GUCY1A2: variants seen among roughly 807,000 people sequenced by gnomAD.
The protein encoded by GUCY1A2 is guanylate cyclase soluble subunit alpha-2.
Under a neutral mutation model 63.5 loss-of-function variants are expected in GUCY1A2, and 27 were observed. The observed-to-expected ratio is 0.43, with a 90% CI of 0.31 to 0.59. The LOEUF (loss-of-function observed/expected upper bound fraction) is 0.59, where lower values mean the gene tolerates loss of function less well. Among genes scored for constraint, GUCY1A2 ranks in the 20% least tolerant of loss-of-function variants. The pLI is 0.11. For synonymous variants in GUCY1A2, 364 were observed against 343.5 expected, an observed-to-expected ratio of 1.06 and a Z score of -0.66; for missense variants, 768 against 913.3, an observed-to-expected ratio of 0.84 and a Z score of 2.05.
intron 6 of GUCY1A2, among the ~76,000 whole-genome samples, chr11:106,727,918 AACATTCTAAG>A (rs1188779409): frequency 1.3e-5 from 2 of 152,120 alleles, no homozygotes; most frequent in East Asian, 3.9e-4. Flanking sequence ...TTCTTTCTAA[AACATTCTAAG>A]ACATTCATCT....
intron 4 of GUCY1A2, among the ~76,000 whole-genome samples, chr11:106,924,821 A>G (rs772173362): frequency 2.6e-5 from 4 of 152,098 alleles, no homozygotes; most frequent in Non-Finnish European, 4.4e-5. Context: ...CCTGGCCAAC[A>G]TGGTGAAACC....
chr11:107,007,480 C>G (rs1233873204), intron 1 of GUCY1A2, among the ~76,000 whole-genome samples: 1 of 152,132 alleles, frequency 6.6e-6, no homozygotes, highest in African/African-American at 2.4e-5. Context: ...GCGGATTGTC[C>G]CCAAACACCT....
At chr11:106,731,574 T>C (rs1311361254) in intron 6 of GUCY1A2, among the ~76,000 whole-genome samples, 3 of 152,044 alleles carry the variant, frequency 2.0e-5, no homozygotes, top group Non-Finnish European at 4.4e-5. Context: ...GGCATCCAAA[T>C]AGGAAGAGAG....
At chr11:106,874,376 C>G (rs1350997347) in intron 4 of GUCY1A2, among the ~76,000 whole-genome samples, 1 of 152,070 alleles carries the variant, frequency 6.6e-6, no homozygotes, top group East Asian at 1.9e-4. Context: ...AGCAATCATA[C>G]AGTAGTCTGA....
In GUCY1A2 at chr11:106,682,966, C is replaced by T. The variant is rs184119653; in HGVS notation, c.*4583G>A. On this transcript the variant is annotated 3_prime_UTR_variant, in exon 8 of 8. Coordinates refer to ENST00000526355, the MANE Select transcript of GUCY1A2 (RefSeq NM_000855.3). ...TCTGTATGTAATATCAGTGTCTGCTCTTCATTCACCACTACGAGGATCTTG... is the reference window on the plus strand; with the variant it reads ...TCTGTATGTAATATCAGTGTCTGCTTTTCATTCACCACTACGAGGATCTTG... The T allele has an allele frequency of 2.4e-3, 516 of 215,668 alleles. 9 individuals are homozygous for T. Among genetic ancestry groups the T allele is most frequent in the Non-Finnish European group, 2.0e-3 (209 of 106,804 alleles). The allele number at this position is 215,668 out of a possible 1,614,324, so 13.4% of individuals were successfully genotyped here.
rs568082754 is a variant in GUCY1A2 at position 106,916,132 on chromosome 11, C to T, written c.1206+23328G>A. Among the ~76,000 whole-genome samples the T allele has an allele frequency of 1.0e-3, 147 of 145,808 alleles. 6 individuals are homozygous for T. The highest frequency in any genetic ancestry group is 3.4e-3 in the African/African-American group (138 of 41,120). ...CCTACAAAGTATTCCTTTGATTAAACATAAAAAGACAAAAGATTTAGTTGA... is the reference window on the plus strand; with the variant it reads ...CCTACAAAGTATTCCTTTGATTAAATATAAAAAGACAAAAGATTTAGTTGA... On this transcript the variant is annotated intron_variant, in intron 4 of 7. Coordinates refer to ENST00000526355, the MANE Select transcript of GUCY1A2 (RefSeq NM_000855.3).
rs571542106 is a variant in GUCY1A2 at position 106,675,149 on chromosome 11, A to C, written c.*12400T>G. ...ATGATATGTATTATTTCTGGAATGCACTTAATCAGTATTTTAAAAGCATAA... is the reference window on the plus strand; with the variant it reads ...ATGATATGTATTATTTCTGGAATGCCCTTAATCAGTATTTTAAAAGCATAA... On this transcript the variant is annotated 3_prime_UTR_variant, in exon 8 of 8. Coordinates refer to ENST00000526355, the MANE Select transcript of GUCY1A2 (RefSeq NM_000855.3). 25 of 213,356 alleles carry C rather than the reference A, an allele frequency of 1.2e-4. No homozygotes were observed. The East Asian group carries it at 1.7e-3, about 14-fold the overall frequency. 13.2% of individuals were successfully genotyped at this position (213,356 alleles called of 1,614,324 possible). A position where few individuals can be genotyped will look rare whatever the true frequency, so the allele number is the denominator to read the frequency against.
intron 5 of GUCY1A2, among the ~76,000 whole-genome samples, chr11:106,792,371 G>T (rs1217407024): frequency 1.7e-5 from 2 of 118,378 alleles, no homozygotes; most frequent in East Asian, 2.6e-4. Flanking sequence ...GGGCAACAGA[G>T]TGAGACTCCA....
In GUCY1A2 at chr11:106,677,787, T is replaced by A. The variant is rs1044891092; in HGVS notation, c.*9762A>T. The A allele has an allele frequency of 4.7e-6, 1 of 211,404 alleles. No homozygotes were observed. The highest frequency in any genetic ancestry group is 9.6e-6 in the Non-Finnish European group (1 of 104,158). The allele number at this position is 211,404 out of a possible 1,614,324, so 13.1% of individuals were successfully genotyped here. A position where few individuals can be genotyped will look rare whatever the true frequency, so the allele number is the denominator to read the frequency against. ...TCTGATTTTTGTGTCTCTTTCCATCTTCTCTACTGGTATCCATTCCTTTCT... is the reference window on the plus strand; with the variant it reads ...TCTGATTTTTGTGTCTCTTTCCATCATCTCTACTGGTATCCATTCCTTTCT... On this transcript the variant is annotated 3_prime_UTR_variant, in exon 8 of 8. Transcript: ENST00000526355.
rs565090732 is a variant in GUCY1A2 at position 106,687,650 on chromosome 11, T to C, written c.2098A>G (p.Arg700Gly). Residue 700 changes from arginine to glycine, a missense_variant, in exon 8 of 8, where the codon AGG (arginine) becomes GGG (glycine). By Grantham distance (125) the Arg-to-Gly change is moderately radical (BLOSUM62 -2). Around this residue, in one of 3 missense-constraint regions of GUCY1A2, gnomAD observed 150 missense variants for 188.3 expected, o/e 0.80. Transcript: ENST00000526355. The part of the protein sequence containing the change: ...IPGICYFLEV[R>G]TGPKPPKPSL... Reference sequence around the variant, plus strand: ...GGCTTTGGTGGCTTTGGACCAGTCCTTACCTCCAGGAAATAGCAGATCCCA... The same window carrying C: ...GGCTTTGGTGGCTTTGGACCAGTCCCTACCTCCAGGAAATAGCAGATCCCA... 9.9e-6 allele frequency: 16 copies of C among 1,613,726 alleles called. 1 individual carries two copies. In the African/African-American group the frequency reaches 2.0e-4, roughly 20 times the overall value.
intron 4 of GUCY1A2, among the ~76,000 whole-genome samples, chr11:106,838,548 G>A (rs190096649): frequency 4.6e-5 from 7 of 151,928 alleles, no homozygotes; most frequent in African/African-American, 9.6e-5. Flanking sequence ...ATAAGCAGCC[G>A]CAGACCATGA....
At chr11:106,869,548 C>A (rs1859644161) in intron 4 of GUCY1A2, among the ~76,000 whole-genome samples, 1 of 152,160 alleles carries the variant, frequency 6.6e-6, no homozygotes, top group African/African-American at 2.4e-5. Context: ...CAAATCATAA[C>A]CACAGTGAGA....
At chr11:106,880,191 G>A (rs1037130660) in intron 4 of GUCY1A2, among the ~76,000 whole-genome samples, 6 of 151,996 alleles carry the variant, frequency 3.9e-5, no homozygotes, top group South Asian at 2.1e-4. Context: ...TGTGTGTTCA[G>A]AGTTCTGAGC....
At chr11:106,851,421 T>A (rs1859353542) in intron 4 of GUCY1A2, among the ~76,000 whole-genome samples, 1 of 152,106 alleles carries the variant, frequency 6.6e-6, no homozygotes, top group East Asian at 1.9e-4. Context: ...CATAAAATAT[T>A]TGCAAACACT....
At position 106,944,215 on chromosome 11, in the gene GUCY1A2, C is replaced by CAAAAAAAAAAAAAAAAAAAAAAA; in HGVS notation, c.488-4038_488-4037insTTTTTTTTTTTTTTTTTTTTTTT. 3.4e-3 allele frequency among the ~76,000 whole-genome samples: 74 copies of CAAAAAAAAAAAAAAAAAAAAAAA among 21,566 alleles called. 7 individuals are homozygous for CAAAAAAAAAAAAAAAAAAAAAAA. The highest frequency in any genetic ancestry group is 6.3e-3 in the African/African-American group (27 of 4,296). 14.1% of individuals were successfully genotyped at this position (21,566 alleles called of 152,430 possible). A position where few individuals can be genotyped will look rare whatever the true frequency, so the allele number is the denominator to read the frequency against. On this transcript the variant is annotated intron_variant, in intron 3 of 7. Coordinates refer to ENST00000526355, the MANE Select transcript of GUCY1A2 (RefSeq NM_000855.3). The stretch of plus-strand genomic sequence containing the variant: ...GGGCAACAGAGTGAGACCCTGTCTC[C>CAAAAAAAAAAAAAAAAAAAAAAA]AAAAAAAAAAAAAAAAAAAAAGCAG...
chr11:106,992,286 C>T (rs917737885), intron 1 of GUCY1A2, among the ~76,000 whole-genome samples: 6 of 148,392 alleles, frequency 4.0e-5, no homozygotes, highest in African/African-American at 1.2e-4. Context: ...CCTCACGTGA[C>T]GAAAAGTAAA....
At chr11:106,949,202 T>TTA (rs1268792851) in intron 3 of GUCY1A2, among the ~76,000 whole-genome samples, 1 of 147,206 alleles carries the variant, frequency 6.8e-6, no homozygotes, top group Non-Finnish European at 1.5e-5. Context: ...TAGTCTAGAA[T>TTA]TATACATCTC....
chr11:106,893,505 G>C lies in GUCY1A2; in HGVS notation c.1206+45955C>G, dbSNP rs547289348. 4.7e-4 allele frequency among the ~76,000 whole-genome samples: 71 copies of C among 151,864 alleles called. 1 individual carries two copies. Among genetic ancestry groups the C allele is most frequent in the African/African-American group, 1.5e-3 (61 of 41,392 alleles). On this transcript the variant is annotated intron_variant, in intron 4 of 7. Coordinates refer to ENST00000526355, the MANE Select transcript of GUCY1A2 (RefSeq NM_000855.3). ...CCTATACTGAAATATAAAATTATAG[G>C]GTACAACATAACTATATAATTTTAA...
In GUCY1A2 at chr11:106,880,743, T is replaced by C. The variant is rs542199382; in HGVS notation, c.1206+58717A>G. Among the ~76,000 whole-genome samples the C allele has an allele frequency of 1.6e-4, 24 of 152,234 alleles. 2 individuals are homozygous for C. In the South Asian group the frequency reaches 5.0e-3, roughly 32 times the overall value. ...GTAGGGTTTCTCAGAGCCTTTACCA[T>C]ATTAAAGTGCATTGTGAATCCACAA... On this transcript the variant is annotated intron_variant, in intron 4 of 7. Transcript: ENST00000526355.
Sources: gnomAD v4.1 joint callset for allele counts (sites outside exome capture counted in the v4.1 genomes callset) on GRCh38, gnomAD v4.1.1 for gene constraint, gnomAD v4.1.1 regional missense constraint, MANE v1.5 for transcripts, NCBI Gene and HGNC (gene_info 2026-07-23, HGNC 2026-07-21) for gene names.